The following KCNC2 variants were observed in gnomAD, a reference collection of about 807,000 sequenced individuals.
KCNC2 encodes the protein voltage-gated potassium channel KCNC2.
Under a neutral mutation model 44.5 loss-of-function variants are expected in KCNC2, and 21 were observed. The observed-to-expected ratio is 0.47, with a 90% CI of 0.33 to 0.68. The LOEUF (loss-of-function observed/expected upper bound fraction) is 0.68. Ranked by LOEUF, KCNC2 falls within the 30% of genes least tolerant of loss-of-function variation. The probability of loss-of-function intolerance (pLI) is 0.01; values close to 1 mark genes in which losing one functional copy is unlikely to be tolerated. For missense variants in KCNC2, 589 were observed against 826.2 expected (o/e 0.71, Z 3.52); for synonymous variants, 391 against 339.1 (o/e 1.15, Z -1.68).
intron 2 of KCNC2, among the ~76,000 whole-genome samples, chr12:75,052,787 A>G (rs948086136): frequency 6.6e-6 from 1 of 152,102 alleles, no homozygotes; most frequent in Non-Finnish European, 1.5e-5. Context: ...GGACTAAAAT[A>G]TCTTAGGACT....
Position 75,040,846 on chromosome 12 carries a change from AAAG to A in KCNC2, c.*2256_*2258del. 2.2e-6 allele frequency: 1 copy of A among 457,454 alleles called. No individual in the cohort carries two copies. The highest frequency in any genetic ancestry group is 4.0e-6 in the Non-Finnish European group (1 of 251,392). 28.3% of individuals were successfully genotyped at this position (457,454 alleles called of 1,614,324 possible). On this transcript the variant is annotated 3_prime_UTR_variant, in exon 5 of 5. Transcript: ENST00000549446. ...AATGTGGGCCCATGAAGAGTAATTCAAAGAAGTGTGGGCCTTACTTGAAACTTC... is the reference window on the plus strand; with the variant it reads ...AATGTGGGCCCATGAAGAGTAATTCAAAGTGTGGGCCTTACTTGAAACTTC...
At chr12:75,090,317 T>G (rs1885365724) in intron 2 of KCNC2, among the ~76,000 whole-genome samples, 1 of 151,670 alleles carries the variant, frequency 6.6e-6, no homozygotes. Flanking sequence ...TTTTACTTTT[T>G]CCTCTTCCTT....
chr12:75,055,773 T>C (rs1002047736), intron 2 of KCNC2, among the ~76,000 whole-genome samples: 3 of 152,068 alleles, frequency 2.0e-5, no homozygotes. Flanking sequence ...GAAGTCTTCA[T>C]AGTCCAGGAT....
At chr12:75,165,395 A>G (rs1434247070) in intron 2 of KCNC2, among the ~76,000 whole-genome samples, 4 of 151,552 alleles carry the variant, frequency 2.6e-5, no homozygotes, top group African/African-American at 7.2e-5. Context: ...TTCATATGTT[A>G]TCTCAGAGTC....
chr12:75,193,426 T>C (rs1339012549), intron 2 of KCNC2, among the ~76,000 whole-genome samples: 1 of 152,090 alleles, frequency 6.6e-6, no homozygotes, highest in Non-Finnish European at 1.5e-5. Context: ...CAACATGTAC[T>C]AGGAGAGGGA....
intron 2 of KCNC2, among the ~76,000 whole-genome samples, chr12:75,076,333 C>T (rs965504659): frequency 1.8e-5 from 2 of 108,428 alleles, no homozygotes; most frequent in East Asian, 2.9e-4. Flanking sequence ...CATGCAGTAG[C>T]GCGATCTCGA....
Position 75,207,931 on chromosome 12 carries a change from CG to C in KCNC2, c.52del (p.Arg18GlyfsTer30). The C allele has an allele frequency of 1.2e-6, 2 of 1,612,648 alleles. No homozygotes were observed. Among genetic ancestry groups the C allele is most frequent in the Non-Finnish European group, 1.7e-6 (2 of 1,179,858 alleles). On this transcript the variant is annotated frameshift_variant, in exon 2 of 5. Coordinates refer to ENST00000549446, the MANE Select transcript of KCNC2 (RefSeq NM_139137.4). LOFTEE classifies it high-confidence loss of function. The surrounding 1 kb of genome is among the most constrained non-coding windows in gnomAD (Gnocchi z 4.1). ...ERVILNVGGTRHETYRSTLKT... is the reference protein window; with the variant it reads ...ERVILNVGGTXHETYRSTLKT... ...GAGGGTGCTGCGGTAGGTTTCGTGC[CG>C]GGTGCCCCCGACATTGAGGATCACC...
At chr12:75,065,532 A>G (rs1462124934) in intron 2 of KCNC2, among the ~76,000 whole-genome samples, 1 of 152,106 alleles carries the variant, frequency 6.6e-6, no homozygotes, top group Admixed American at 6.6e-5. Context: ...ATGAGATTAT[A>G]AAACCATGTT....
intron 2 of KCNC2, among the ~76,000 whole-genome samples, chr12:75,125,984 TA>T (rs1277270851): frequency 2.0e-5 from 3 of 152,188 alleles, no homozygotes; most frequent in African/African-American, 4.8e-5. Context: ...TCTCATTTTT[TA>T]TAATAACACC....
intron 2 of KCNC2, among the ~76,000 whole-genome samples, chr12:75,095,723 A>G (rs1885865068): frequency 6.6e-6 from 1 of 151,896 alleles, no homozygotes; most frequent in African/African-American, 2.4e-5. Flanking sequence ...AAAGCCACCT[A>G]ATACGCAGGA....
At chr12:75,112,663 C>G (rs74697192) in intron 2 of KCNC2, among the ~76,000 whole-genome samples, 1 of 151,960 alleles carries the variant, frequency 6.6e-6, no homozygotes, top group Non-Finnish European at 1.5e-5. Flanking sequence ...TAAGCCTGAA[C>G]TGTATTAGTA....
chr12:75,148,668 CA>C (rs1248290148), intron 2 of KCNC2, among the ~76,000 whole-genome samples: 1 of 151,566 alleles, frequency 6.6e-6, no homozygotes, highest in Admixed American at 6.6e-5. Flanking sequence ...TTTTGTTAAC[CA>C]AAAACATAAA....
At chr12:75,141,716 G>C (rs1201020409) in intron 2 of KCNC2, among the ~76,000 whole-genome samples, 1 of 152,140 alleles carries the variant, frequency 6.6e-6, no homozygotes, top group African/African-American at 2.4e-5. Flanking sequence ...TTAGTATAAT[G>C]TATTGGATAA....
intron 2 of KCNC2, among the ~76,000 whole-genome samples, chr12:75,206,296 C>T (rs2031681015): frequency 6.6e-6 from 1 of 152,138 alleles, no homozygotes; most frequent in South Asian, 2.1e-4. Context: ...GTACTTTGTT[C>T]TCATATATAA....
At chr12:75,085,053 C>T (rs756124889) in intron 2 of KCNC2, among the ~76,000 whole-genome samples, 1 of 151,856 alleles carries the variant, frequency 6.6e-6, no homozygotes. Flanking sequence ...GGACATCATC[C>T]TATTTCTAGT....
intron 2 of KCNC2, among the ~76,000 whole-genome samples, chr12:75,177,127 G>C (rs960169817): frequency 1.3e-5 from 2 of 150,858 alleles, no homozygotes; most frequent in Admixed American, 1.3e-4. Context: ...GTTTTAGGGA[G>C]TGTTAGTTTG....
intron 2 of KCNC2, among the ~76,000 whole-genome samples, chr12:75,076,371 C>A (rs940169563): frequency 2.0e-5 from 3 of 152,106 alleles, no homozygotes; most frequent in Non-Finnish European, 4.4e-5. Flanking sequence ...CTCGCGGGTT[C>A]ACGCCATTCT....
chr12:75,179,639 A>T (rs901534701), intron 2 of KCNC2, among the ~76,000 whole-genome samples: 1 of 149,938 alleles, frequency 6.7e-6, no homozygotes, highest in Admixed American at 6.6e-5. Context: ...TTTTATAAAA[A>T]CTATAAAAGA....
intron 2 of KCNC2, among the ~76,000 whole-genome samples, chr12:75,182,010 G>C (rs778996872): frequency 8.5e-6 from 1 of 117,404 alleles, no homozygotes; most frequent in Non-Finnish European, 1.6e-5. Flanking sequence ...CTGAACTCAT[G>C]ATCTGCCCGC....
Sources: allele counts gnomAD v4.1 joint callset (sites outside exome capture counted in the v4.1 genomes callset), GRCh38; gene constraint gnomAD v4.1.1; non-coding constraint Gnocchi (gnomAD v3.1); transcripts MANE v1.5; gene names NCBI Gene and HGNC (gene_info 2026-07-23, HGNC 2026-07-21).